ACER3: variants seen among roughly 807,000 people sequenced by gnomAD.
The protein encoded by ACER3 is alkCDase 3.
ACER3 carries 16 observed loss-of-function variants against 48.9 expected under a neutral mutation model. That is an observed-to-expected ratio of 0.33 (90% CI 0.22 to 0.50). ACER3 has a LOEUF of 0.50. Among genes scored for constraint, ACER3 ranks in the 20% least tolerant of loss-of-function variants. The pLI is 0.98. For missense variants in ACER3, 227 were observed against 326.0 expected (o/e 0.70, Z 2.34); for synonymous variants, 109 against 107.8 (o/e 1.01, Z -0.07).
chr11:76,977,542 T>G (rs1267449287), intron 4 of ACER3, among the ~76,000 whole-genome samples: 1 of 152,200 alleles, frequency 6.6e-6, no homozygotes, highest in Admixed American at 6.5e-5. Flanking sequence ...TGGACAAGTA[T>G]GTTAAGAATA....
intron 1 of ACER3, among the ~76,000 whole-genome samples, chr11:76,867,162 C>T (rs970595134): frequency 1.3e-5 from 2 of 152,126 alleles, no homozygotes; most frequent in African/African-American, 4.8e-5. Context: ...TTGAAGACAG[C>T]TTCTCTGTTC....
chr11:76,889,269 G>A (rs1218214915), intron 1 of ACER3, among the ~76,000 whole-genome samples: 1 of 151,896 alleles, frequency 6.6e-6, no homozygotes. Flanking sequence ...TTAGTTTTCA[G>A]TTGCCTCTTG....
chr11:76,976,645 A>G (rs1948451676), intron 4 of ACER3, among the ~76,000 whole-genome samples: 1 of 152,206 alleles, frequency 6.6e-6, no homozygotes, highest in African/African-American at 2.4e-5. Flanking sequence ...ATATTGTGCC[A>G]TAAAAGTTTT....
intron 1 of ACER3, among the ~76,000 whole-genome samples, chr11:76,918,431 T>G (rs767076204): frequency 5.9e-5 from 9 of 152,192 alleles, no homozygotes; most frequent in African/African-American, 1.9e-4. Context: ...AAGACAAACC[T>G]TCTCCCTTGT....
intron 1 of ACER3, among the ~76,000 whole-genome samples, chr11:76,901,548 G>A (rs1470949182): frequency 1.3e-5 from 2 of 152,138 alleles, no homozygotes; most frequent in African/African-American, 2.4e-5. Context: ...CTCAGACACC[G>A]AGTTAAAGAA....
rs1949465349 is a variant in ACER3, at chr11:77,021,167, C to T, written c.*840C>T. The T allele has an allele frequency of 6.6e-6, 1 of 152,206 alleles. No individual in the cohort carries two copies. The highest frequency in any genetic ancestry group is 2.1e-4 in the South Asian group (1 of 4,828). 9.4% of individuals were successfully genotyped at this position (152,206 alleles called of 1,614,324 possible). On this transcript the variant is annotated 3_prime_UTR_variant, in exon 11 of 11. Coordinates refer to ENST00000532485, the MANE Select transcript of ACER3 (RefSeq NM_018367.7). ...GTCTAGACTACCCATAGTTCATCCT[C>T]CTCACATAACTTATTTGAAGTTGTC...
intron 7 of ACER3, among the ~76,000 whole-genome samples, chr11:77,000,104 A>G (rs1948996785): frequency 6.6e-6 from 1 of 152,138 alleles, no homozygotes; most frequent in African/African-American, 2.4e-5. Flanking sequence ...GTTTCTTTGC[A>G]TCCTCACCAG....
At chr11:76,869,067 A>T (rs968132418) in intron 1 of ACER3, among the ~76,000 whole-genome samples, 2 of 152,236 alleles carry the variant, frequency 1.3e-5, no homozygotes, top group African/African-American at 4.8e-5. Flanking sequence ...TGTAAGCTGC[A>T]CTAGCCCTAG....
At chr11:76,974,260 C>T (rs979077212) in intron 3 of ACER3, among the ~76,000 whole-genome samples, 8 of 152,100 alleles carry the variant, frequency 5.3e-5, no homozygotes, top group African/African-American at 1.4e-4. Context: ...AGATGGAACA[C>T]GTTTTCACCA....
intron 4 of ACER3, chr11:76,978,694 G>A (rs1007291441): frequency 1.3e-5 from 2 of 154,136 alleles, no homozygotes; most frequent in Non-Finnish European, 2.9e-5. Context: ...GAGATAAGAA[G>A]GAGAGAAGAG....
chr11:76,945,103 C>T (rs1447548446), intron 2 of ACER3, among the ~76,000 whole-genome samples: 1 of 151,284 alleles, frequency 6.6e-6, no homozygotes, highest in African/African-American at 2.4e-5. Flanking sequence ...GTAAATTTCT[C>T]ATTTATATCC....
intron 1 of ACER3, among the ~76,000 whole-genome samples, chr11:76,894,790 C>T (rs920334346): frequency 6.6e-6 from 1 of 152,006 alleles, no homozygotes; most frequent in Non-Finnish European, 1.5e-5. Flanking sequence ...CATTTAAAGG[C>T]AAAGGAAACA....
intron 5 of ACER3, among the ~76,000 whole-genome samples, chr11:76,988,968 A>T (rs1419275573): frequency 6.6e-6 from 1 of 152,200 alleles, no homozygotes; most frequent in African/African-American, 2.4e-5. Context: ...AAATAATAGT[A>T]TATATTTTAT....
chr11:76,917,091 A>C (rs534065108), intron 1 of ACER3, among the ~76,000 whole-genome samples: 42 of 152,160 alleles, frequency 2.8e-4, no homozygotes, highest in Non-Finnish European at 4.3e-4. Context: ...TAACATGAAC[A>C]TTTCCATTTT....
intron 7 of ACER3, among the ~76,000 whole-genome samples, chr11:77,003,197 T>C (rs1314864629): frequency 6.6e-6 from 1 of 152,232 alleles, no homozygotes; most frequent in African/African-American, 2.4e-5. Context: ...GCTTCTTTAA[T>C]AGTCATGCCG....
intron 2 of ACER3, among the ~76,000 whole-genome samples, chr11:76,946,692 C>T (rs895349362): frequency 2.0e-5 from 3 of 152,162 alleles, no homozygotes; most frequent in African/African-American, 7.2e-5. Flanking sequence ...ACCCAGTCTC[C>T]CCTCCCCTCC....
chr11:77,022,868 CAA>C lies in ACER3; in HGVS notation c.*2564_*2565del, dbSNP rs10565723. ...ATGGTGGCAGAGCGAGACTCCGTCTCAAAAAAAAAAAAAAAAAAAAAAAAGAA... is the reference window on the plus strand; with the variant it reads ...ATGGTGGCAGAGCGAGACTCCGTCTCAAAAAAAAAAAAAAAAAAAAAAGAA... On this transcript the variant is annotated 3_prime_UTR_variant, in exon 11 of 11. Coordinates refer to ENST00000532485, the MANE Select transcript of ACER3 (RefSeq NM_018367.7). The C allele has an allele frequency of 7.1e-3, 1,974 of 279,984 alleles. 8 individuals carry two copies. The highest frequency in any genetic ancestry group is 0.04 in the African/African-American group (1,622 of 40,690). The allele number at this position is 279,984 out of a possible 1,614,324, so 17.3% of individuals were successfully genotyped here. A position where few individuals can be genotyped will look rare whatever the true frequency, so the allele number is the denominator to read the frequency against.
intron 1 of ACER3, among the ~76,000 whole-genome samples, chr11:76,900,577 T>C (rs1173006652): frequency 6.6e-6 from 1 of 152,118 alleles, no homozygotes; most frequent in Non-Finnish European, 1.5e-5. Flanking sequence ...CCCAGCACTT[T>C]GGAAAGCTGA....
chr11:77,005,467 T>C (rs1366904724), intron 7 of ACER3, among the ~76,000 whole-genome samples: 4 of 152,154 alleles, frequency 2.6e-5, no homozygotes, highest in Non-Finnish European at 5.9e-5. Flanking sequence ...AGGGCCACCA[T>C]GACAAAGTCC....
Sources: allele counts gnomAD v4.1 joint callset (sites outside exome capture counted in the v4.1 genomes callset), GRCh38; gene constraint gnomAD v4.1.1; transcripts MANE v1.5; gene names NCBI Gene and HGNC (gene_info 2026-07-23, HGNC 2026-07-21).